ZFP41: variants seen among roughly 807,000 people sequenced by gnomAD.
The protein encoded by ZFP41 is ZFP41 zinc finger protein.
ZFP41 carries 10 observed loss-of-function variants against 11.6 expected under a neutral mutation model. That is an observed-to-expected ratio of 0.86 (90% CI 0.53 to 1.47). The LOEUF (loss-of-function observed/expected upper bound fraction) is 1.47. ZFP41 is among the 40% of genes most tolerant of loss of function. The pLI, the probability that ZFP41 is intolerant of heterozygous loss-of-function variation, is 0.00. For synonymous variants in ZFP41, 123 were observed against 100.9 expected, an observed-to-expected ratio of 1.22 and a Z score of -1.31; for missense variants, 302 against 264.6, an observed-to-expected ratio of 1.14 and a Z score of -0.98.
At position 143,260,371 on chromosome 8, in the gene ZFP41, G is replaced by A. The variant is rs1049188250; in HGVS notation, c.*1497G>A. On this transcript the variant is annotated 3_prime_UTR_variant, in exon 3 of 3. Transcript: ENST00000330701. ...TGCAGAGCCATCCTAGTGGGGCAGT[G>A]GGCGCGGGGCGGGGGCTCCTGACTC... 7.1e-5 allele frequency: 11 copies of A among 154,828 alleles called. No homozygotes were observed. The highest frequency in any genetic ancestry group is 2.4e-4 in the African/African-American group (10 of 41,600). The allele number at this position is 154,828 out of a possible 1,614,324, so 9.6% of individuals were successfully genotyped here.
At position 143,260,613 on chromosome 8, in the gene ZFP41, G is replaced by T. The variant is rs1400317960; in HGVS notation, c.*1739G>T. ...GCTCCGCCTGGACAGCACCTCCTGG[G>T]CCGCCCTGACCAGCAGACACCATCC... is the stretch of plus-strand genomic sequence containing the variant. On this transcript the variant is annotated 3_prime_UTR_variant, in exon 3 of 3. Transcript: ENST00000330701. 1.1e-5 allele frequency: 2 copies of T among 183,842 alleles called. No homozygotes were observed. Among genetic ancestry groups the T allele is most frequent in the Non-Finnish European group, 2.3e-5 (2 of 85,850 alleles). 11.4% of individuals were successfully genotyped at this position (183,842 alleles called of 1,614,324 possible). A position where few individuals can be genotyped will look rare whatever the true frequency, so the allele number is the denominator to read the frequency against.
intron 2 of ZFP41, among the ~76,000 whole-genome samples, chr8:143,257,229 C>T (rs372534757): frequency 8.7e-4 from 132 of 152,288 alleles, no homozygotes; most frequent in Non-Finnish European, 1.5e-3. Context: ...CGGTGGCTCA[C>T]GCCTATAATC....
At chr8:143,251,685 C>T (rs1184153861) in intron 2 of ZFP41, among the ~76,000 whole-genome samples, 3 of 152,174 alleles carry the variant, frequency 2.0e-5, no homozygotes, top group African/African-American at 7.2e-5. Flanking sequence ...GTACACTGCC[C>T]GGATGATGGA....
chr8:143,254,971 A>G (rs1458251172), intron 2 of ZFP41, among the ~76,000 whole-genome samples: 1 of 152,182 alleles, frequency 6.6e-6, no homozygotes, highest in African/African-American at 2.4e-5. Flanking sequence ...TAATGCCACA[A>G]TAAATATCTT....
chr8:143,247,449 CTGTT>C (rs758305283), intron 1 of ZFP41: 1 of 152,428 alleles, frequency 6.6e-6, no homozygotes, highest in East Asian at 1.9e-4. Flanking sequence ...ACCCAGCAGG[CTGTT>C]TTAGTGCAGA....
At chr8:143,249,310 C>G (rs1816749052) in intron 1 of ZFP41, 1 of 155,208 alleles carries the variant, frequency 6.4e-6, no homozygotes, top group African/African-American at 2.4e-5. Context: ...CACGTGTGGT[C>G]CCTGCAGCCT....
At chr8:143,258,811 A>G (rs1814971445) in intron 2 of ZFP41, among the ~76,000 whole-genome samples, 2 of 152,224 alleles carry the variant, frequency 1.3e-5, no homozygotes, top group Non-Finnish European at 2.9e-5. Flanking sequence ...AGAGAACACA[A>G]GTTAAAACAA....
chr8:143,251,832 G>A (rs1325107295), intron 2 of ZFP41, among the ~76,000 whole-genome samples: 1 of 152,214 alleles, frequency 6.6e-6, no homozygotes, highest in Non-Finnish European at 1.5e-5. Context: ...ACTTGGAAAG[G>A]GAGCCTTTCG....
Position 143,251,059 on chromosome 8 carries a change from A to T in ZFP41, c.*619A>T. ...CCTCTGGCTTCTCTCCTCCTGCTGG[A>T]GTGCCAGTCCCTGAGCTCAGACCCC... On this transcript the variant is annotated 3_prime_UTR_variant, in exon 2 of 3. Transcript: ENST00000330701. The T allele has an allele frequency of 5.9e-6, 1 of 168,926 alleles. No individual in the cohort carries two copies. The highest frequency in any genetic ancestry group is 1.4e-5 in the Non-Finnish European group (1 of 69,410). 10.5% of individuals were successfully genotyped at this position (168,926 alleles called of 1,614,324 possible).
chr8:143,250,276 T>G lies in ZFP41; in HGVS notation c.433T>G (p.Cys145Gly). The stretch of plus-strand genomic sequence containing the variant: ...TCACACGGGAGAGAAGCCCTTCAAA[T>G]GCGGGGAGTGCGGGAAAGCCTTTAA... ...RTHTGEKPFK[C>G]GECGKAFNCG... is the part of the protein sequence containing the mutation. Residue 145 changes from cysteine (C) to glycine (G), a missense_variant, in exon 2 of 3, where the codon TGC (cysteine) becomes GGC (glycine). Physicochemically the swap from Cys to Gly is radical, Grantham distance 159. Coordinates refer to ENST00000330701, the MANE Select transcript of ZFP41 (RefSeq NM_173832.6). The G allele has an allele frequency of 6.2e-7, 1 of 1,613,992 alleles. No homozygotes were observed. Among genetic ancestry groups the G allele is most frequent in the Non-Finnish European group, 8.5e-7 (1 of 1,180,032 alleles).
At position 143,250,104 on chromosome 8, in the gene ZFP41, T is replaced by C. The variant is rs751007702; in HGVS notation, c.261T>C (p.Tyr87=). 10 of 1,614,142 alleles carry C rather than the reference T, an allele frequency of 6.2e-6. No individual in the cohort carries two copies. Among genetic ancestry groups the C allele is most frequent in the Non-Finnish European group, 8.5e-6 (10 of 1,180,038 alleles). The part of the protein sequence containing the change: ...VFIPFQRKKP[Y]ECSECGRIFK... ...TTCCTTTTCAGAGGAAGAAACCCTA[T>C]GAGTGCAGTGAGTGTGGGCGGATCT... Residue 87 remains tyrosine, a synonymous_variant, in exon 2 of 3, where the codon TAT becomes TAC. Transcript: ENST00000330701.
chr8:143,257,316 A>C lies in ZFP41; in HGVS notation c.*901-2459A>C, dbSNP rs1357875249. 2.6e-5 allele frequency among the ~76,000 whole-genome samples: 4 copies of C among 152,226 alleles called. No individual in the cohort carries two copies. In the East Asian group the frequency reaches 7.7e-4, roughly 29 times the overall value. ...AGACAAGTCATGGCTAACATGGTGA[A>C]ACCCCATTTCTACTAAAAATACAGA... is the stretch of plus-strand genomic sequence containing the variant. On this transcript the variant is annotated intron_variant, in intron 2 of 2. Coordinates refer to ENST00000330701, the MANE Select transcript of ZFP41 (RefSeq NM_173832.6).
In ZFP41 at chr8:143,250,528, G is replaced by A. The variant is rs879604167; in HGVS notation, c.*88G>A. The A allele has an allele frequency of 3.2e-6, 5 of 1,538,548 alleles. No homozygotes were observed. The highest frequency in any genetic ancestry group is 4.4e-6 in the Non-Finnish European group (5 of 1,143,472). Reference sequence around the variant, plus strand: ...CTCCCTCGTGTCCCGCGTCTGATGGGGGCGCAGGGCCGTGCGCACTGTGTT... The same window carrying A: ...CTCCCTCGTGTCCCGCGTCTGATGGAGGCGCAGGGCCGTGCGCACTGTGTT... On this transcript the variant is annotated 3_prime_UTR_variant, in exon 2 of 3. Coordinates refer to ENST00000330701, the MANE Select transcript of ZFP41 (RefSeq NM_173832.6).
At position 143,261,216 on chromosome 8, in the gene ZFP41, A is replaced by T. The variant is rs1335546160; in HGVS notation, c.*2342A>T. ...TGGGGTGTACCTGGGTTTCATTCCC[A>T]GTGACCTCTCCTATTGGTCCCCATT... On this transcript the variant is annotated 3_prime_UTR_variant, in exon 3 of 3. Transcript: ENST00000330701. 6.6e-6 allele frequency: 1 copy of T among 152,296 alleles called. No homozygotes were observed. The highest frequency in any genetic ancestry group is 1.5e-5 in the Non-Finnish European group (1 of 68,086). The allele number at this position is 152,296 out of a possible 1,614,324, so 9.4% of individuals were successfully genotyped here.
chr8:143,250,392 C>T lies in ZFP41; in HGVS notation c.549C>T (p.Ser183=). 1 of 1,613,460 alleles carries T rather than the reference C, an allele frequency of 6.2e-7. No individual in the cohort carries two copies. Among genetic ancestry groups the T allele is most frequent in the Non-Finnish European group, 8.5e-7 (1 of 1,179,624 alleles). ...CTHCGKAFAY[S]SCLIRHQKRH... ...ACTGTGGGAAAGCCTTTGCCTACAGCTCCTGTCTCATCCGCCATCAGAAAC... is the reference window on the plus strand; with the variant it reads ...ACTGTGGGAAAGCCTTTGCCTACAGTTCCTGTCTCATCCGCCATCAGAAAC... The change falls in exon 2 of 3, where the codon AGC becomes AGT. Residue 183 remains serine (S), a synonymous_variant. Coordinates refer to ENST00000330701, the MANE Select transcript of ZFP41 (RefSeq NM_173832.6).
rs904482505 is a variant in ZFP41, at chr8:143,260,266, T to G, written c.*1392T>G. 2.6e-5 allele frequency: 4 copies of G among 153,430 alleles called. No homozygotes were observed. Among genetic ancestry groups the G allele is most frequent in the African/African-American group, 9.6e-5 (4 of 41,480 alleles). The allele number at this position is 153,430 out of a possible 1,614,324, so 9.5% of individuals were successfully genotyped here. ...CTAGAAATAGCTGCCGGGCTTTCACTTGGTTCCCAAATTTCTTCAAAGGTC... is the reference window on the plus strand; with the variant it reads ...CTAGAAATAGCTGCCGGGCTTTCACGTGGTTCCCAAATTTCTTCAAAGGTC... On this transcript the variant is annotated 3_prime_UTR_variant, in exon 3 of 3. Coordinates refer to ENST00000330701, the MANE Select transcript of ZFP41 (RefSeq NM_173832.6).
At position 143,253,840 on chromosome 8, in the gene ZFP41, T is replaced by C. The variant is rs947042781; in HGVS notation, c.*900+2500T>C. ...CTGGAGAGCTTGTTGTTTAAAGCAG[T>C]GGTCCCCAACCTTCTTGGCACCTGG... On this transcript the variant is annotated intron_variant, in intron 2 of 2. Transcript: ENST00000330701. Among the ~76,000 whole-genome samples, 6 of 152,038 alleles carry C rather than the reference T, an allele frequency of 3.9e-5. No individual in the cohort carries two copies. The East Asian group carries it at 1.2e-3, about 29-fold the overall frequency.
intron 2 of ZFP41, among the ~76,000 whole-genome samples, chr8:143,256,760 C>T (rs907723665): frequency 6.6e-6 from 1 of 152,120 alleles, no homozygotes; most frequent in Non-Finnish European, 1.5e-5. Flanking sequence ...TTTTTTTTAA[C>T]GTTTATGGTT....
In ZFP41 at chr8:143,249,876, G is replaced by T. The variant is rs144557681; in HGVS notation, c.33G>T (p.Thr11=). The change falls in exon 2 of 3, where the codon ACG becomes ACT. Residue 11 remains threonine (T), a synonymous_variant. Coordinates refer to ENST00000330701, the MANE Select transcript of ZFP41 (RefSeq NM_173832.6). MEKPAGRKKK[T]PTPREEADVQ... ...AGCCTGCAGGCAGAAAAAAGAAGAC[G>T]CCGACCCCAAGGGAGGAGGCAGACG... 8.1e-6 allele frequency: 13 copies of T among 1,604,282 alleles called. No homozygotes were observed. Among genetic ancestry groups the T allele is most frequent in the Non-Finnish European group, 1.0e-5 (12 of 1,176,908 alleles).
Sources: allele counts gnomAD v4.1 joint callset (sites outside exome capture counted in the v4.1 genomes callset), GRCh38; gene constraint gnomAD v4.1.1; transcripts MANE v1.5; gene names NCBI Gene and HGNC (gene_info 2026-07-23, HGNC 2026-07-21).